The following SGK1 variants were observed in gnomAD, a reference collection of about 807,000 sequenced individuals.
SGK1 encodes the protein serine/threonine-protein kinase Sgk1.
A neutral mutation model predicts 64.2 loss-of-function variants in SGK1; 26 were observed. The observed-to-expected ratio is 0.40, with a 90% CI of 0.30 to 0.56. The LOEUF is 0.56. Among genes scored for constraint, SGK1 ranks in the 20% least tolerant of loss-of-function variants. The pLI, the probability that SGK1 is intolerant of heterozygous loss-of-function variation, is 0.38. For missense variants in SGK1, 519 were observed against 645.6 expected, an observed-to-expected ratio of 0.80 and a Z score of 2.12; for synonymous variants, 265 against 239.7, an observed-to-expected ratio of 1.11 and a Z score of -0.98.
intron 1 of SGK1, among the ~76,000 whole-genome samples, chr6:134,305,313 C>T (rs9493893): frequency 0.13 from 19,104 of 143,906 alleles, 1,587 homozygotes; most frequent in African/African-American, 0.23. Context: ...GAACCAAAAT[C>T]GCGCCCACTG....
At chr6:134,282,539 G>A (rs1264098777) in intron 1 of SGK1, among the ~76,000 whole-genome samples, 2 of 151,634 alleles carry the variant, frequency 1.3e-5, no homozygotes, top group Non-Finnish European at 2.9e-5. Context: ...TGTAATTCCA[G>A]CTACTCGGGA....
At chr6:134,293,027 C>A (rs944310078) in intron 1 of SGK1, among the ~76,000 whole-genome samples, 4 of 152,198 alleles carry the variant, frequency 2.6e-5, no homozygotes, top group Admixed American at 2.6e-4. Flanking sequence ...CCAGACTGTG[C>A]TTTCAGATAA....
chr6:134,256,625 G>A (rs1418170600), intron 2 of SGK1, among the ~76,000 whole-genome samples: 2 of 152,042 alleles, frequency 1.3e-5, no homozygotes, highest in Non-Finnish European at 2.9e-5. Context: ...ACTACTTTTG[G>A]TCTCCATCTC....
chr6:134,293,743 T>A (rs1777300101), intron 1 of SGK1, among the ~76,000 whole-genome samples: 1 of 152,130 alleles, frequency 6.6e-6, no homozygotes, highest in Non-Finnish European at 1.5e-5. Flanking sequence ...TCAGATATAA[T>A]TATCTGATTT....
chr6:134,173,841 ACT>A (rs1775118727), intron 5 of SGK1, 162 bp downstream of exon 5: 7 of 616,426 alleles, frequency 1.1e-5, no homozygotes, highest in African/African-American at 1.9e-5. Context: ...ATAAAATAAT[ACT>A]CTGACTCAAT....
At chr6:134,182,639 G>T (rs1020931196) in intron 3 of SGK1, among the ~76,000 whole-genome samples, 27 of 152,174 alleles carry the variant, frequency 1.8e-4, no homozygotes, top group African/African-American at 6.3e-4. Context: ...AGTGCAAAGG[G>T]TTCCAACAAA....
At position 134,317,468 on chromosome 6, in the gene SGK1, C is replaced by T. The variant is rs369689298; in HGVS notation, c.-8G>A. 7 of 1,595,630 alleles carry T rather than the reference C, an allele frequency of 4.4e-6. No individual in the cohort carries two copies. In the African/African-American group the frequency reaches 5.4e-5, roughly 12 times the overall value. On this transcript the variant is annotated 5_prime_UTR_variant, in exon 1 of 14. Transcript: ENST00000367858. ...CATGTCTTTGTTTACCATTTTCCAC[C>T]GTGGGGAATTCACAGTTATAGATCC...
At chr6:134,212,474 T>C (rs1173603819) in intron 2 of SGK1, among the ~76,000 whole-genome samples, 1 of 152,230 alleles carries the variant, frequency 6.6e-6, no homozygotes, top group Non-Finnish European at 1.5e-5. Flanking sequence ...ATTTCCAAGT[T>C]AACCAGCCCT....
Position 134,223,317 on chromosome 6 carries a change from G to A in SGK1, c.286-15886C>T, listed in dbSNP as rs186469093. 9.8e-3 allele frequency among the ~76,000 whole-genome samples: 1,475 copies of A among 151,278 alleles called. 27 individuals carry two copies. Among genetic ancestry groups the A allele is most frequent in the African/African-American group, 0.034 (1,405 of 41,200 alleles). On this transcript the variant is annotated intron_variant, in intron 2 of 13. Coordinates refer to ENST00000367858, the MANE Select transcript of SGK1 (RefSeq NM_001143676.3). ...CGGGAGGTGGAGGTTGCGGTGAGCC[G>A]AGATCGTGCCATTGCACTCAAGCCT...
intron 13 of SGK1, 170 bp from the exon 14 acceptor site, chr6:134,170,605 T>C (rs1774984307): frequency 4.3e-6 from 3 of 697,902 alleles, no homozygotes; most frequent in Admixed American, 5.9e-5. Flanking sequence ...ATAAGAATAA[T>C]GTTCACTTGT....
chr6:134,236,025 C>A (rs1776359842), intron 2 of SGK1, among the ~76,000 whole-genome samples: 1 of 152,184 alleles, frequency 6.6e-6, no homozygotes, highest in South Asian at 2.1e-4. Flanking sequence ...GCCACATGCT[C>A]CATCCTCACA....
At chr6:134,265,020 A>G (rs1776829152) in intron 1 of SGK1, among the ~76,000 whole-genome samples, 1 of 152,248 alleles carries the variant, frequency 6.6e-6, no homozygotes, top group Non-Finnish European at 1.5e-5. Context: ...GCAATTTATT[A>G]TATTACTTGA....
intron 13 of SGK1, 170 bp downstream of exon 13, chr6:134,170,656 T>A (rs1286994186): frequency 1.5e-6 from 1 of 687,154 alleles, no homozygotes; most frequent in Non-Finnish European, 2.5e-6. Flanking sequence ...GTCTAAAAAT[T>A]ATGGGAGCCT....
chr6:134,218,430 TTTTTTTC>T (rs1280412123), intron 2 of SGK1, among the ~76,000 whole-genome samples: 1 of 88,082 alleles, frequency 1.1e-5, no homozygotes, highest in South Asian at 6.8e-4. Context: ...CTTTTCTTTC[TTTTTTTC>T]TTTTTTTTTT....
At chr6:134,227,410 A>C (rs144366465) in intron 2 of SGK1, among the ~76,000 whole-genome samples, 2 of 152,338 alleles carry the variant, frequency 1.3e-5, no homozygotes, top group African/African-American at 2.4e-5. Context: ...CTGGGATTAC[A>C]GGCGTGGGCC....
chr6:134,253,136 T>C (rs1282477564), intron 2 of SGK1, among the ~76,000 whole-genome samples: 1 of 152,156 alleles, frequency 6.6e-6, no homozygotes, highest in Admixed American at 6.5e-5. Flanking sequence ...ACAACACACC[T>C]TCTTGAGCCT....
chr6:134,317,679 T>A lies in SGK1; in HGVS notation c.-219A>T. ...TGCCACCGACAGCGGCTTTTCTCCTTCCATCATTGCTCCGAAACATATGCA... is the reference window on the plus strand; with the variant it reads ...TGCCACCGACAGCGGCTTTTCTCCTACCATCATTGCTCCGAAACATATGCA... On this transcript the variant is annotated 5_prime_UTR_variant, in exon 1 of 14. Coordinates refer to ENST00000367858, the MANE Select transcript of SGK1 (RefSeq NM_001143676.3). 1.8e-6 allele frequency: 1 copy of A among 569,944 alleles called. No individual in the cohort carries two copies. Among genetic ancestry groups the A allele is most frequent in the Non-Finnish European group, 3.1e-6 (1 of 319,572 alleles). The allele number at this position is 569,944 out of a possible 1,614,324, so 35.3% of individuals were successfully genotyped here. A position where few individuals can be genotyped will look rare whatever the true frequency, so the allele number is the denominator to read the frequency against.
chr6:134,182,251 A>G (rs551187101), intron 3 of SGK1, among the ~76,000 whole-genome samples: 2 of 152,246 alleles, frequency 1.3e-5, no homozygotes, highest in South Asian at 2.1e-4. Context: ...TAAGTTGTGA[A>G]AAATAATGGA....
chr6:134,293,336 G>T (rs1777295012), intron 1 of SGK1, among the ~76,000 whole-genome samples: 1 of 152,146 alleles, frequency 6.6e-6, no homozygotes, highest in Non-Finnish European at 1.5e-5. Flanking sequence ...AAAACTTAAG[G>T]TTAGAGGCAA....
Sources: allele counts gnomAD v4.1 joint callset (sites outside exome capture counted in the v4.1 genomes callset), GRCh38; gene constraint gnomAD v4.1.1; transcripts MANE v1.5; gene names NCBI Gene and HGNC (gene_info 2026-07-23, HGNC 2026-07-21).